Variants in TOPORS observed in about 807,000 individuals in gnomAD.
TOPORS encodes E3 ubiquitin-protein ligase Topors.
TOPORS carries 25 observed loss-of-function variants against 81.4 expected under a neutral mutation model. That is an observed-to-expected ratio of 0.31 (90% confidence interval 0.22 to 0.43). The LOEUF (loss-of-function observed/expected upper bound fraction) is 0.43. TOPORS is among the 20% of genes least tolerant of loss of function. TOPORS has a pLI of 1.00. For missense variants in TOPORS, 1,101 were observed against 1,267.0 expected (o/e 0.87, Z 1.99); for synonymous variants, 473 against 456.6 (o/e 1.04, Z -0.46).
At position 32,552,440 on chromosome 9, in the gene TOPORS, GC is replaced by G; in HGVS notation, c.-5del. On this transcript the variant is annotated 5_prime_UTR_variant, in exon 1 of 3. Coordinates refer to ENST00000360538, the MANE Select transcript of TOPORS (RefSeq NM_005802.5). ...ACTGCTGCCGCCTCCTTACCATGAA[GC>G]CAGTAAGTCGTCGCACGCTGGACTG... 1 of 1,608,220 alleles carries G rather than the reference GC, an allele frequency of 6.2e-7. No individual in the cohort carries two copies. The highest frequency in any genetic ancestry group is 1.1e-5 in the South Asian group (1 of 89,900).
Position 32,550,912 on chromosome 9 carries a change from C to CG in TOPORS, c.59dup (p.Pro21AlafsTer8), listed in dbSNP as rs1563987062. The CG allele has an allele frequency of 1.9e-6, 3 of 1,612,844 alleles. No homozygotes were observed. The East Asian group carries it at 6.7e-5, about 36-fold the overall frequency. On this transcript the variant is annotated frameshift_variant, in exon 2 of 3. Coordinates refer to ENST00000360538, the MANE Select transcript of TOPORS (RefSeq NM_005802.5). LOFTEE classifies it high-confidence loss of function. ...GCCTACCCTCCGAAGCGGGAGCAGG[C>CG]GGGGGCGCTTCACCCTCCTCGCGAG... is the stretch of plus-strand genomic sequence containing the variant.
intron 2 of TOPORS, among the ~76,000 whole-genome samples, chr9:32,547,310 C>T (rs1587624443): frequency 1.3e-5 from 2 of 152,158 alleles, no homozygotes; most frequent in African/African-American, 4.8e-5. Flanking sequence ...TTTTTTAAAA[C>T]GCAAATGAAG....
intron 1 of TOPORS, 175 bp downstream of exon 1, chr9:32,552,259 T>C: frequency 3.6e-6 from 3 of 838,196 alleles, no homozygotes; most frequent in Non-Finnish European, 5.8e-6. Context: ...GATCACGTGA[T>C]ACCGCCCCCC....
At position 32,541,378 on chromosome 9, in the gene TOPORS, T is replaced by C. The variant is rs201576667; in HGVS notation, c.*9A>G. 962 of 1,613,912 alleles carry C rather than the reference T, an allele frequency of 6.0e-4. 19 individuals carry two copies. In the South Asian group the frequency reaches 9.8e-3, roughly 16 times the overall value. On this transcript the variant is annotated 3_prime_UTR_variant, in exon 3 of 3. Coordinates refer to ENST00000360538, the MANE Select transcript of TOPORS (RefSeq NM_005802.5). ...ACATCATAATTCTCAATGAAATGCT[T>C]TGGCAGTTTTAAGACATATCACAGT... is the stretch of plus-strand genomic sequence containing the variant.
Position 32,541,312 on chromosome 9 carries a change from T to C in TOPORS, c.*75A>G. ...GTTTTCACCAAATGTCATCTTTAAA[T>C]AGACTGCAGTAGACGACATTCTTCC... On this transcript the variant is annotated 3_prime_UTR_variant, in exon 3 of 3. Transcript: ENST00000360538. 2.1e-6 allele frequency: 3 copies of C among 1,399,992 alleles called. No individual in the cohort carries two copies. The highest frequency in any genetic ancestry group is 3.6e-5 in the Admixed American group (2 of 56,290). 86.7% of individuals were successfully genotyped at this position (1,399,992 alleles called of 1,614,324 possible).
In TOPORS at chr9:32,543,005, T is replaced by C. The variant is rs1821093249; in HGVS notation, c.1520A>G (p.Tyr507Cys). 1 of 1,614,190 alleles carries C rather than the reference T, an allele frequency of 6.2e-7. No homozygotes were observed. Among genetic ancestry groups the C allele is most frequent in the African/African-American group, 1.3e-5 (1 of 75,044 alleles). The change falls in exon 3 of 3, where the codon TAT (tyrosine) becomes TGT (cysteine). Residue 507 changes from tyrosine (Y) to cysteine (C), a missense_variant. Transcript: ENST00000360538. The surrounding 1 kb of genome is among the most constrained non-coding windows in gnomAD (Gnocchi z 5.6). Reference sequence around the variant, plus strand: ...TGTCTTCACTGTCTCCATTTTCTCATAAGAACCTAAGTCCTCAGAATCAGA... The same window carrying C: ...TGTCTTCACTGTCTCCATTTTCTCACAAGAACCTAAGTCCTCAGAATCAGA... The part of the protein sequence containing the change: ...LSSDSEDLGS[Y>C]EKMETVKTQE...
Position 32,543,666 on chromosome 9 carries a change from G to T in TOPORS, c.859C>A (p.Arg287Ser). The T allele has an allele frequency of 6.2e-7, 1 of 1,612,806 alleles. No individual in the cohort carries two copies. The highest frequency in any genetic ancestry group is 8.5e-7 in the Non-Finnish European group (1 of 1,179,642). The change falls in exon 3 of 3, where the codon CGT (arginine) becomes AGT (serine). Residue 287 changes from arginine to serine, a missense_variant. Physicochemically the swap from Arg to Ser is moderately radical, Grantham distance 110. Around this residue, in one of 9 missense-constraint regions of TOPORS, gnomAD observed 69 missense variants for 153.6 expected, o/e 0.45. Coordinates refer to ENST00000360538, the MANE Select transcript of TOPORS (RefSeq NM_005802.5). This position sits in a 1 kb window ranked among gnomAD's most constrained non-coding sequence, Gnocchi z 5.6. ...CTGTGAAGGCAAGCTGGATTTCTAC[G>T]GAAAAATTCAGCTGAAATATCCCTG... The part of the protein sequence containing the change: ...RYRDISAEFF[R>S]RNPACLHRLV...
At chr9:32,551,055 A>C (rs1157968771) in intron 1 of TOPORS, 87 bp from the exon 2 acceptor site, 13 of 1,431,246 alleles carry the variant, frequency 9.1e-6, no homozygotes, top group East Asian at 2.4e-5. Context: ...GCATCAAAAC[A>C]CAACACCCGC....
chr9:32,550,715 A>T, intron 2 of TOPORS, 59 bp downstream of exon 2: 1 of 1,591,246 alleles, frequency 6.3e-7, no homozygotes, highest in Non-Finnish European at 8.6e-7. Flanking sequence ...TCCAGGCGGG[A>T]GCGCCAACTC....
rs12376833 is a variant in TOPORS, at chr9:32,541,655, G to C, written c.2870C>G (p.Ala957Gly). 17 of 1,614,080 alleles carry C rather than the reference G, an allele frequency of 1.1e-5. No individual in the cohort carries two copies. Among genetic ancestry groups the C allele is most frequent in the Non-Finnish European group, 1.4e-5 (17 of 1,180,044 alleles). ...FETKDVVTIE[A>G]EFGVLDKECD... The stretch of plus-strand genomic sequence containing the variant: ...TTCCTTGTCCAGCACACCAAATTCA[G>C]CTTCTATTGTAACTACATCTTTAGT... Residue 957 changes from alanine (A) to glycine (G), a missense_variant, in exon 3 of 3, where the codon GCT (alanine) becomes GGT (glycine). Physicochemically the swap from Ala to Gly is moderately conservative, Grantham distance 60 (BLOSUM62 0). Coordinates refer to ENST00000360538, the MANE Select transcript of TOPORS (RefSeq NM_005802.5).
Position 32,544,241 on chromosome 9 carries a change from G to T in TOPORS, c.284C>A (p.Ala95Asp). 6.2e-7 allele frequency: 1 copy of T among 1,609,880 alleles called. No homozygotes were observed. Among genetic ancestry groups the T allele is most frequent in the South Asian group, 1.1e-5 (1 of 91,082 alleles). The change falls in exon 3 of 3, where the codon GCT becomes GAT. Residue 95 changes from alanine (A) to aspartate (D), a missense_variant. Ala to Asp is a moderately radical substitution (Grantham distance 126). Around this residue, in one of 9 missense-constraint regions of TOPORS, gnomAD observed 48 missense variants for 73.3 expected, o/e 0.65. Coordinates refer to ENST00000360538, the MANE Select transcript of TOPORS (RefSeq NM_005802.5). ...GTSKLQQTVP[A>D]DASPDSKCPI... ...ACACTTAGAATCAGGAGATGCATCA[G>T]CTGGTACTGTCTGTTGCAATTTGCT...
At chr9:32,551,169 G>T (rs376302243) in intron 1 of TOPORS, 1 of 657,224 alleles carries the variant, frequency 1.5e-6, no homozygotes, top group African/African-American at 1.8e-5. Flanking sequence ...CCCGGAGGAG[G>T]GCAGCGCGAC....
rs1252147770 is a variant in TOPORS, at chr9:32,541,848, GCTT to G, written c.2674_2676del (p.Lys892del). The G allele has an allele frequency of 1.1e-5, 17 of 1,614,090 alleles. No homozygotes were observed. The highest frequency in any genetic ancestry group is 2.2e-5 in the East Asian group (1 of 44,880). On this transcript the variant is annotated inframe_deletion, in exon 3 of 3. Coordinates refer to ENST00000360538, the MANE Select transcript of TOPORS (RefSeq NM_005802.5). ...GCATTATCTCCATGGTGTTTCTTATGCTTCTTCTTATGTTTCTTCTTTTTCTTT... is the reference window on the plus strand; with the variant it reads ...GCATTATCTCCATGGTGTTTCTTATGCTTCTTATGTTTCTTCTTTTTCTTT...
rs548732804 is a variant in TOPORS at position 32,550,673 on chromosome 9, A to G, written c.198+101T>C. On this transcript the variant is annotated intron_variant, in intron 2 of 2. Transcript: ENST00000360538. Reference sequence around the variant, plus strand: ...CGAGGCCCGGACAGCCCCGCAGGCCATGACCGCAACCCTCGGGTCCCGAGG... The same window carrying G: ...CGAGGCCCGGACAGCCCCGCAGGCCGTGACCGCAACCCTCGGGTCCCGAGG... 6.7e-4 allele frequency: 941 copies of G among 1,409,892 alleles called. 6 individuals are homozygous for G. In the South Asian group the frequency reaches 0.011, roughly 16 times the overall value. The allele number at this position is 1,409,892 out of a possible 1,614,324, so 87.3% of individuals were successfully genotyped here.
chr9:32,552,559 C>A lies in TOPORS; in HGVS notation c.-123G>T. The A allele has an allele frequency of 7.9e-7, 1 of 1,271,470 alleles. No homozygotes were observed. Among genetic ancestry groups the A allele is most frequent in the African/African-American group, 1.5e-5 (1 of 67,890 alleles). 78.8% of individuals were successfully genotyped at this position (1,271,470 alleles called of 1,614,324 possible). A position where few individuals can be genotyped will look rare whatever the true frequency, so the allele number is the denominator to read the frequency against. On this transcript the variant is annotated 5_prime_UTR_variant, in exon 1 of 3. Coordinates refer to ENST00000360538, the MANE Select transcript of TOPORS (RefSeq NM_005802.5). Reference sequence around the variant, plus strand: ...GGAAAGGCCCTATTTCTTCAGCACCCAGAAACTCCAAAATCCATTCCTGAA... The same window carrying A: ...GGAAAGGCCCTATTTCTTCAGCACCAAGAAACTCCAAAATCCATTCCTGAA...
At chr9:32,544,388 AC>A (rs2118970116) in intron 2 of TOPORS, 62 bp from the exon 3 acceptor site, 2 of 1,523,634 alleles carry the variant, frequency 1.3e-6, no homozygotes, top group East Asian at 2.3e-5. Flanking sequence ...AATAGTCTCA[AC>A]AAAAATGCAA....
At chr9:32,551,363 AC>A in intron 1 of TOPORS, 1 of 342,408 alleles carries the variant, frequency 2.9e-6, no homozygotes, top group Non-Finnish European at 5.7e-6. Context: ...GAAGTCTCTC[AC>A]CTCCTGTTGT....
At chr9:32,551,683 A>G (rs940031927) in intron 1 of TOPORS, 1 of 318,442 alleles carries the variant, frequency 3.1e-6, no homozygotes, top group East Asian at 7.9e-5. Context: ...AACATTCTAG[A>G]GCTGAACCTG....
At chr9:32,546,904 T>G (rs1162741941) in intron 2 of TOPORS, among the ~76,000 whole-genome samples, 1 of 152,182 alleles carries the variant, frequency 6.6e-6, no homozygotes, top group Non-Finnish European at 1.5e-5. Context: ...CCGGGCATGA[T>G]GGGCACACCT....
Sources: allele counts gnomAD v4.1 joint callset (sites outside exome capture counted in the v4.1 genomes callset), GRCh38; gene constraint gnomAD v4.1.1; regional missense constraint gnomAD v4.1.1; non-coding constraint Gnocchi (gnomAD v3.1); transcripts MANE v1.5; gene names NCBI Gene and HGNC (gene_info 2026-07-23, HGNC 2026-07-21).